The following KNDC1 variants were observed in gnomAD, a reference collection of about 807,000 sequenced individuals.
KNDC1 encodes kinase non-catalytic C-lobe domain-containing protein 1.
KNDC1 carries 106 observed loss-of-function variants against 172.8 expected under a neutral mutation model. That is an observed-to-expected ratio of 0.61 (90% CI 0.52 to 0.72). The LOEUF (loss-of-function observed/expected upper bound fraction) is 0.72, where lower values mean the gene tolerates loss of function less well. Among genes scored for constraint, KNDC1 ranks in the 30% least tolerant of loss-of-function variants. The pLI is 0.00. For synonymous variants in KNDC1, 1,083 were observed against 1,062.2 expected, an observed-to-expected ratio of 1.02 and a Z score of -0.38; for missense variants, 2,325 against 2,394.5, an observed-to-expected ratio of 0.97 and a Z score of 0.61.
At chr10:133,169,813 T>C (rs1464309201) in intron 3 of KNDC1, among the ~76,000 whole-genome samples, 9 of 152,186 alleles carry the variant, frequency 5.9e-5, no homozygotes. Flanking sequence ...GGAGTTTTAG[T>C]TTTGTGCTTG....
chr10:133,178,032 CAT>C (rs1371019316), intron 3 of KNDC1, among the ~76,000 whole-genome samples: 2 of 146,886 alleles, frequency 1.4e-5, no homozygotes, highest in East Asian at 2.0e-4. Flanking sequence ...TGGTATGTGT[CAT>C]GGGCACACGT....
chr10:133,216,693 T>C (rs1392391750), intron 26 of KNDC1, among the ~76,000 whole-genome samples: 1 of 151,738 alleles, frequency 6.6e-6, no homozygotes, highest in Non-Finnish European at 1.5e-5. Context: ...AAAATAAAAA[T>C]GGGGAGTTTG....
At chr10:133,185,949 G>C (rs59816931) in intron 5 of KNDC1, 25 bp from the exon 6 acceptor site, 2 of 1,245,010 alleles carry the variant, frequency 1.6e-6, no homozygotes, top group Non-Finnish European at 2.1e-6. Context: ...GCACCCAGCC[G>C]TGACCACATC....
At position 133,225,129 on chromosome 10, in the gene KNDC1, T is replaced by G; in HGVS notation, c.*239T>G. The stretch of plus-strand genomic sequence containing the variant: ...GTCTTGGAGGTTTGCGTGTTTCTGC[T>G]AGAATTAAAAAGTTAAATTTAAAAA... On this transcript the variant is annotated 3_prime_UTR_variant, in exon 30 of 30. Coordinates refer to ENST00000304613, the MANE Select transcript of KNDC1 (RefSeq NM_152643.8). 1 of 523,556 alleles carries G rather than the reference T, an allele frequency of 1.9e-6. No homozygotes were observed. The highest frequency in any genetic ancestry group is 3.4e-6 in the Non-Finnish European group (1 of 291,466). The allele number at this position is 523,556 out of a possible 1,614,324, so 32.4% of individuals were successfully genotyped here. A position where few individuals can be genotyped will look rare whatever the true frequency, so the allele number is the denominator to read the frequency against.
rs1410677886 is a variant in KNDC1 at position 133,163,081 on chromosome 10, A to T, written c.102+2512A>T. 1.3e-5 allele frequency among the ~76,000 whole-genome samples: 2 copies of T among 152,068 alleles called. No homozygotes were observed. Among genetic ancestry groups the T allele is most frequent in the African/African-American group, 4.8e-5 (2 of 41,392 alleles). On this transcript the variant is annotated intron_variant, in intron 1 of 29. Transcript: ENST00000304613. The surrounding 1 kb of genome is among the most constrained non-coding windows in gnomAD (Gnocchi z 4.4). ...TCCCATGAGATTTCAGTCACTGTGGATGGGGGTATGGGATCTGAGGCAGAA... is the reference window on the plus strand; with the variant it reads ...TCCCATGAGATTTCAGTCACTGTGGTTGGGGGTATGGGATCTGAGGCAGAA...
rs200361123 is a variant in KNDC1, at chr10:133,201,447, G to T, written c.2990-54G>T. The T allele has an allele frequency of 5.2e-4, 790 of 1,521,152 alleles. 1 individual carries two copies. The Middle Eastern group carries it at 0.01, about 20-fold the overall frequency. 94.2% of individuals were successfully genotyped at this position (1,521,152 alleles called of 1,614,324 possible). A position where few individuals can be genotyped will look rare whatever the true frequency, so the allele number is the denominator to read the frequency against. On this transcript the variant is annotated intron_variant, in intron 16 of 29. Coordinates refer to ENST00000304613, the MANE Select transcript of KNDC1 (RefSeq NM_152643.8). ...CCGGCCTCCCATTAACAGCCTGCCC[G>T]GGCTCCGCCCACAGGAGCCACTGTC...
intron 3 of KNDC1, 111 bp from the exon 4 acceptor site, chr10:133,183,233 G>A: frequency 1.5e-6 from 2 of 1,294,402 alleles, no homozygotes; most frequent in Non-Finnish European, 2.1e-6. Context: ...TTCCCCTCAG[G>A]GGAATCTCAC....
At chr10:133,192,192 C>G (rs1854084873) in intron 9 of KNDC1, among the ~76,000 whole-genome samples, 1 of 152,186 alleles carries the variant, frequency 6.6e-6, no homozygotes, top group Non-Finnish European at 1.5e-5. Flanking sequence ...GCTGAAATAG[C>G]CAAAGCAATT....
At position 133,224,876 on chromosome 10, in the gene KNDC1, G is replaced by A; in HGVS notation, c.5236G>A (p.Ala1746Thr). 1.2e-6 allele frequency: 2 copies of A among 1,613,252 alleles called. No individual in the cohort carries two copies. Among genetic ancestry groups the A allele is most frequent in the Non-Finnish European group, 8.5e-7 (1 of 1,179,518 alleles). The part of the protein sequence containing the change: ...KIQDKLRRMK[A>T]TFQ Reference sequence around the variant, plus strand: ...TCAGGACAAGCTACGGAGGATGAAGGCTACATTCCAGTAGCCGAGCTCGGG... The same window carrying A: ...TCAGGACAAGCTACGGAGGATGAAGACTACATTCCAGTAGCCGAGCTCGGG... Residue 1746 changes from alanine to threonine, a missense_variant, in exon 30 of 30, where the codon GCT becomes ACT. Coordinates refer to ENST00000304613, the MANE Select transcript of KNDC1 (RefSeq NM_152643.8). This position sits in a 1 kb window ranked among gnomAD's most constrained non-coding sequence, Gnocchi z 5.4.
chr10:133,173,654 A>G (rs536719852), intron 3 of KNDC1, among the ~76,000 whole-genome samples: 1 of 152,342 alleles, frequency 6.6e-6, no homozygotes, highest in South Asian at 2.1e-4. Flanking sequence ...ACATCTGTGT[A>G]AGCAGCACCC....
At chr10:133,197,188 C>G in intron 11 of KNDC1, 53 bp downstream of exon 11, 1 of 1,418,490 alleles carries the variant, frequency 7.0e-7, no homozygotes, top group Non-Finnish European at 9.8e-7. Flanking sequence ...AGCTTCCTCC[C>G]TCCTGGACGC....
chr10:133,177,754 GCATA>G (rs1853589071), intron 3 of KNDC1, among the ~76,000 whole-genome samples: 1 of 152,110 alleles, frequency 6.6e-6, no homozygotes, highest in Non-Finnish European at 1.5e-5. Flanking sequence ...TGCATGGTGT[GCATA>G]CATGTGTGTG....
chr10:133,206,014 A>G (rs2998128), intron 17 of KNDC1, among the ~76,000 whole-genome samples: 82,423 of 152,030 alleles, frequency 0.54, 22,379 homozygotes, highest in East Asian at 0.62. Context: ...CAGCCTGACC[A>G]ACATGGAGAA....
Position 133,225,007 on chromosome 10 carries a change from C to A in KNDC1, c.*117C>A. On this transcript the variant is annotated 3_prime_UTR_variant, in exon 30 of 30. Transcript: ENST00000304613. ...ATCAAGGCCCCTCCGCCCCCGAACC[C>A]TGGGGAGCTGGACCAGGAGGTGGAG... 1.3e-6 allele frequency: 1 copy of A among 798,532 alleles called. No homozygotes were observed. The highest frequency in any genetic ancestry group is 2.1e-6 in the Non-Finnish European group (1 of 484,684). 49.5% of individuals were successfully genotyped at this position (798,532 alleles called of 1,614,324 possible). A position where few individuals can be genotyped will look rare whatever the true frequency, so the allele number is the denominator to read the frequency against.
At chr10:133,205,742 G>C (rs1244602168) in intron 17 of KNDC1, among the ~76,000 whole-genome samples, 1 of 152,184 alleles carries the variant, frequency 6.6e-6, no homozygotes, top group Admixed American at 6.5e-5. Flanking sequence ...GCTGAGATGG[G>C]AGAAATGCTT....
At chr10:133,165,760 G>A (rs1465241736) in intron 1 of KNDC1, among the ~76,000 whole-genome samples, 1 of 152,174 alleles carries the variant, frequency 6.6e-6, no homozygotes, top group African/African-American at 2.4e-5. Context: ...AGGCGTCGCT[G>A]GGAGCTTCGG....
At chr10:133,223,598 TGTGTGTGA>T (rs1410340552) in intron 29 of KNDC1, among the ~76,000 whole-genome samples, 9 of 80,170 alleles carry the variant, frequency 1.1e-4, no homozygotes, top group African/African-American at 5.6e-5. Context: ...GGCGTGTGTG[TGTGTGTGA>T]GAGCCCATCC....
intron 29 of KNDC1, among the ~76,000 whole-genome samples, chr10:133,223,590 C>CGT (rs1199785238): frequency 2.3e-5 from 1 of 42,620 alleles, no homozygotes; most frequent in African/African-American, 1.2e-4. Flanking sequence ...CTCTTCCCGG[C>CGT]GTGTGTGTGT....
At chr10:133,164,306 C>G (rs1853076314) in intron 1 of KNDC1, 1 of 152,336 alleles carries the variant, frequency 6.6e-6, no homozygotes, top group Non-Finnish European at 1.5e-5. Context: ...CATGAAGAAC[C>G]CTCTGGGCCT....
Sources: gnomAD v4.1 joint callset for allele counts (sites outside exome capture counted in the v4.1 genomes callset) on GRCh38, gnomAD v4.1.1 for gene constraint, Gnocchi (gnomAD v3.1) non-coding constraint, MANE v1.5 for transcripts, NCBI Gene and HGNC (gene_info 2026-07-23, HGNC 2026-07-21) for gene names.